Variants in VAT1L observed in about 807,000 individuals in gnomAD.
The protein encoded by VAT1L is vesicle amine transport 1 like, also known as putative NADPH-dependent quinone oxidoreductase VAT1L.
In VAT1L, 34 loss-of-function variants were observed where a neutral mutation model predicts 44.1. The observed-to-expected ratio is 0.77, with a 90% CI of 0.59 to 1.03. The LOEUF is 1.03. Among genes scored for constraint, VAT1L ranks in the 50% least tolerant of loss-of-function variants. VAT1L has a pLI of 0.00. For missense variants in VAT1L, 615 were observed against 538.8 expected, an observed-to-expected ratio of 1.14 and a Z score of -1.40; for synonymous variants, 253 against 202.2, an observed-to-expected ratio of 1.25 and a Z score of -2.13.
chr16:77,952,546 G>C (rs1474643561), intron 7 of VAT1L, among the ~76,000 whole-genome samples: 1 of 151,986 alleles, frequency 6.6e-6, no homozygotes, highest in Non-Finnish European at 1.5e-5. Context: ...TCATATGCCA[G>C]CACTATGCTT....
At chr16:77,857,146 A>G (rs144863028) in intron 3 of VAT1L, among the ~76,000 whole-genome samples, 1 of 152,228 alleles carries the variant, frequency 6.6e-6, no homozygotes, top group East Asian at 1.9e-4. Flanking sequence ...AGGAAAATCC[A>G]TTAAAAACAA....
chr16:77,958,401 G>C (rs1177728598), intron 7 of VAT1L, among the ~76,000 whole-genome samples: 1 of 152,146 alleles, frequency 6.6e-6, no homozygotes, highest in Non-Finnish European at 1.5e-5. Flanking sequence ...GTCTTTCCAA[G>C]GGACTGAGCA....
At chr16:77,833,242 G>A (rs1267794128) in intron 3 of VAT1L, among the ~76,000 whole-genome samples, 3 of 152,176 alleles carry the variant, frequency 2.0e-5, no homozygotes, top group African/African-American at 7.2e-5. Context: ...AGACATTGAT[G>A]GGCGTATAAA....
At chr16:77,800,953 C>G (rs555660907) in intron 1 of VAT1L, 1 of 152,170 alleles carries the variant, frequency 6.6e-6, no homozygotes, top group Non-Finnish European at 1.5e-5. Flanking sequence ...CTCAGCCTCC[C>G]GAGTAGCTGG....
chr16:77,952,004 G>T (rs1372677603), intron 7 of VAT1L, among the ~76,000 whole-genome samples: 1 of 152,124 alleles, frequency 6.6e-6, no homozygotes, highest in African/African-American at 2.4e-5. Flanking sequence ...TCAGGAAGAA[G>T]GCAGGTGAGC....
intron 3 of VAT1L, among the ~76,000 whole-genome samples, chr16:77,845,517 T>C (rs569104690): frequency 2.7e-3 from 410 of 152,282 alleles, no homozygotes; most frequent in Non-Finnish European, 3.9e-3. Flanking sequence ...CTGAGACCCA[T>C]TCCAACTAAA....
In VAT1L at chr16:77,977,568, C is replaced by A. The variant is rs752586137; in HGVS notation, c.1162-29C>A. 2.5e-6 allele frequency: 4 copies of A among 1,610,306 alleles called. No homozygotes were observed. In the South Asian group the frequency reaches 3.3e-5, roughly 13 times the overall value. On this transcript the variant is annotated intron_variant, in intron 8 of 8. Coordinates refer to ENST00000302536, the MANE Select transcript of VAT1L (RefSeq NM_020927.3). ...AGATGACGAGGCTGGGTTGCACAAC[C>A]CTCAATAACATCCTCTTTTGAATTA...
At chr16:77,927,783 C>T (rs531867319) in intron 7 of VAT1L, among the ~76,000 whole-genome samples, 6 of 151,912 alleles carry the variant, frequency 3.9e-5, no homozygotes, top group Admixed American at 2.6e-4. Context: ...GCAGGAGAAT[C>T]GCTTGAACCC....
At chr16:77,955,340 T>C (rs1030669590) in intron 7 of VAT1L, among the ~76,000 whole-genome samples, 3 of 152,340 alleles carry the variant, frequency 2.0e-5, no homozygotes, top group East Asian at 3.9e-4. Flanking sequence ...CCAAGGATGC[T>C]GACGAACATC....
At chr16:77,823,702 C>T (rs16946553) in intron 2 of VAT1L, among the ~76,000 whole-genome samples, 9,688 of 152,182 alleles carry the variant, frequency 0.064, 950 homozygotes, top group African/African-American at 0.22. Context: ...TCATAGATTT[C>T]ATAGTGATCA....
At chr16:77,840,805 C>T (rs1192146523) in intron 3 of VAT1L, among the ~76,000 whole-genome samples, 4 of 152,176 alleles carry the variant, frequency 2.6e-5, no homozygotes, top group Admixed American at 6.5e-5. Flanking sequence ...GAAGTCTCAG[C>T]TTGCTCATTT....
chr16:77,880,315 C>T (rs2017137195), intron 6 of VAT1L, among the ~76,000 whole-genome samples: 1 of 152,018 alleles, frequency 6.6e-6, no homozygotes, highest in Non-Finnish European at 1.5e-5. Flanking sequence ...TGCCACTATA[C>T]CCAGCGAATT....
At chr16:77,923,427 G>C (rs906701711) in intron 7 of VAT1L, among the ~76,000 whole-genome samples, 8 of 152,126 alleles carry the variant, frequency 5.3e-5, no homozygotes, top group Non-Finnish European at 8.8e-5. Flanking sequence ...CCTAGCCTGG[G>C]AGACAGAGCA....
chr16:77,867,598 C>T (rs2016988779), intron 4 of VAT1L, among the ~76,000 whole-genome samples: 1 of 152,056 alleles, frequency 6.6e-6, no homozygotes, highest in Non-Finnish European at 1.5e-5. Context: ...TGGCTCATGC[C>T]TGTAAATCCA....
intron 7 of VAT1L, among the ~76,000 whole-genome samples, chr16:77,966,557 G>A (rs2018224727): frequency 6.6e-6 from 1 of 152,142 alleles, no homozygotes; most frequent in Admixed American, 6.5e-5. Flanking sequence ...GCCAGAAAAG[G>A]CAACAGTTAC....
At chr16:77,841,761 G>A (rs1361008159) in intron 3 of VAT1L, among the ~76,000 whole-genome samples, 1 of 152,156 alleles carries the variant, frequency 6.6e-6, no homozygotes, top group African/African-American at 2.4e-5. Context: ...ACATGGGGGT[G>A]GAACATGGTG....
intron 7 of VAT1L, among the ~76,000 whole-genome samples, chr16:77,950,022 G>C (rs548852229): frequency 6.6e-6 from 1 of 152,328 alleles, no homozygotes; most frequent in African/African-American, 2.4e-5. Context: ...TTTCACTGCT[G>C]TGGTGATCAA....
chr16:77,899,248 G>C lies in VAT1L; in HGVS notation c.1077+14446G>C, dbSNP rs111395849. Among the ~76,000 whole-genome samples the C allele has an allele frequency of 5.3e-3, 805 of 152,310 alleles. 14 individuals are homozygous for C. The highest frequency in any genetic ancestry group is 0.019 in the African/African-American group (770 of 41,558). On this transcript the variant is annotated intron_variant, in intron 7 of 8. Transcript: ENST00000302536. ...TGGTGGAGCCAAAACTCAACTCTCAGACTGGCTCTCTCCTGAAGCTGTGCT... is the reference window on the plus strand; with the variant it reads ...TGGTGGAGCCAAAACTCAACTCTCACACTGGCTCTCTCCTGAAGCTGTGCT...
chr16:77,936,375 T>A (rs2017796672), intron 7 of VAT1L, among the ~76,000 whole-genome samples: 1 of 152,124 alleles, frequency 6.6e-6, no homozygotes, highest in Non-Finnish European at 1.5e-5. Flanking sequence ...AAGGGGAGCC[T>A]CAGTCTCCTC....
Sources: allele counts gnomAD v4.1 joint callset (sites outside exome capture counted in the v4.1 genomes callset), GRCh38; gene constraint gnomAD v4.1.1; transcripts MANE v1.5; gene names NCBI Gene and HGNC (gene_info 2026-07-23, HGNC 2026-07-21).